UNC5D: variants seen among roughly 807,000 people sequenced by gnomAD.
UNC5D encodes unc-5 netrin receptor D.
UNC5D carries 39 observed loss-of-function variants against 105.4 expected under a neutral mutation model. The ratio of observed to expected loss-of-function variants is 0.37; its 90% CI spans 0.29 to 0.48. The LOEUF is 0.48. Among genes scored for constraint, UNC5D ranks in the 20% least tolerant of loss-of-function variants. UNC5D has a pLI of 0.98. For synonymous variants in UNC5D, 452 were observed against 450.4 expected, an observed-to-expected ratio of 1.00 and a Z score of -0.04; for missense variants, 991 against 1,202.4, an observed-to-expected ratio of 0.82 and a Z score of 2.60.
intron 1 of UNC5D, chr8:35,525,775 C>T (rs907494400): frequency 8.5e-6 from 13 of 1,525,696 alleles, no homozygotes; most frequent in African/African-American, 2.8e-5. Flanking sequence ...TTGGGAGTGC[C>T]GTAATGTGCT....
In UNC5D at chr8:35,436,836, A is replaced by G. The variant is rs556344318; in HGVS notation, c.104-112456A>G. ...AAATGACAGACATACATACACACAT[A>G]TAAAAAGCCTAGAGACTTTTTCTCA... On this transcript the variant is annotated intron_variant, in intron 1 of 16. Transcript: ENST00000404895. 3.3e-5 allele frequency among the ~76,000 whole-genome samples: 5 copies of G among 152,244 alleles called. No individual in the cohort carries two copies. In the East Asian group the frequency reaches 9.7e-4, roughly 29 times the overall value.
chr8:35,671,083 C>A (rs925449367), intron 4 of UNC5D, among the ~76,000 whole-genome samples: 1 of 152,060 alleles, frequency 6.6e-6, no homozygotes, highest in Non-Finnish European at 1.5e-5. Flanking sequence ...TTCTTCTCCT[C>A]CCCTTTTCCT....
Position 35,478,371 on chromosome 8 carries a change from T to C in UNC5D, c.104-70921T>C, listed in dbSNP as rs778236792. On this transcript the variant is annotated intron_variant, in intron 1 of 16. Coordinates refer to ENST00000404895, the MANE Select transcript of UNC5D (RefSeq NM_080872.4). ...GTTCCATAGGCTAGATGCACACATA[T>C]GAAAAGACTTTTTCCTTCAGCAGCT... is the stretch of plus-strand genomic sequence containing the variant. Among the ~76,000 whole-genome samples the C allele has an allele frequency of 8.3e-4, 126 of 152,192 alleles. 1 individual carries two copies. The highest frequency in any genetic ancestry group is 9.7e-4 in the Non-Finnish European group (66 of 68,002).
chr8:35,559,287 A>G (rs1028174735), intron 2 of UNC5D, among the ~76,000 whole-genome samples: 5 of 152,168 alleles, frequency 3.3e-5, no homozygotes, highest in South Asian at 2.1e-4. Flanking sequence ...CTGCTTCTGT[A>G]TGGTTGGGGA....
At chr8:35,696,399 A>G (rs1826782840) in intron 7 of UNC5D, among the ~76,000 whole-genome samples, 1 of 143,130 alleles carries the variant, frequency 7.0e-6, no homozygotes, top group Non-Finnish European at 1.5e-5. Flanking sequence ...TCCTCATTTT[A>G]TTAGTTCTGT....
chr8:35,464,765 C>T (rs1809173888), intron 1 of UNC5D, among the ~76,000 whole-genome samples: 1 of 152,192 alleles, frequency 6.6e-6, no homozygotes, highest in Admixed American at 6.5e-5. Context: ...ACTTTTATCC[C>T]TAACCCTGGC....
At chr8:35,504,442 C>T (rs1441413540) in intron 1 of UNC5D, among the ~76,000 whole-genome samples, 1 of 152,182 alleles carries the variant, frequency 6.6e-6, no homozygotes, top group Non-Finnish European at 1.5e-5. Context: ...GTATTAGATA[C>T]AGCCTTCTTA....
At chr8:35,317,415 T>C (rs942582082) in intron 1 of UNC5D, among the ~76,000 whole-genome samples, 1 of 152,162 alleles carries the variant, frequency 6.6e-6, no homozygotes, top group Non-Finnish European at 1.5e-5. Flanking sequence ...ACAATGGCTA[T>C]TACGAAAACA....
chr8:35,371,436 C>T (rs1439224359), intron 1 of UNC5D, among the ~76,000 whole-genome samples: 1 of 152,010 alleles, frequency 6.6e-6, no homozygotes, highest in Non-Finnish European at 1.5e-5. Context: ...TTGTGTTGGG[C>T]TGAGATTATC....
intron 1 of UNC5D, among the ~76,000 whole-genome samples, chr8:35,407,346 TAAA>T (rs368131972): frequency 6.8e-6 from 1 of 148,148 alleles, no homozygotes; most frequent in Non-Finnish European, 1.5e-5. Flanking sequence ...TTAGTATAAG[TAAA>T]AAAAAAACAC....
At chr8:35,391,799 A>C (rs1218088801) in intron 1 of UNC5D, among the ~76,000 whole-genome samples, 3 of 152,156 alleles carry the variant, frequency 2.0e-5, no homozygotes, top group Non-Finnish European at 4.4e-5. Flanking sequence ...TGGCATAAAA[A>C]CTTTGGTCTG....
intron 1 of UNC5D, among the ~76,000 whole-genome samples, chr8:35,460,162 A>G (rs16883948): frequency 0.042 from 6,403 of 152,240 alleles, 474 homozygotes; most frequent in African/African-American, 0.15. Context: ...TACTCCCAGA[A>G]AAATTAAAGG....
In UNC5D at chr8:35,423,625, G is replaced by T. The variant is rs1192031580; in HGVS notation, c.104-125667G>T. On this transcript the variant is annotated intron_variant, in intron 1 of 16. Transcript: ENST00000404895. ...AACTAATACTGTTTTGGCAAGTACTGCTTGATTGTTAAATTTGTTATGACA... is the reference window on the plus strand; with the variant it reads ...AACTAATACTGTTTTGGCAAGTACTTCTTGATTGTTAAATTTGTTATGACA... 2.6e-5 allele frequency among the ~76,000 whole-genome samples: 4 copies of T among 152,230 alleles called. No homozygotes were observed. In the East Asian group the frequency reaches 7.7e-4, roughly 29 times the overall value.
chr8:35,377,698 A>T (rs1802783192), intron 1 of UNC5D, among the ~76,000 whole-genome samples: 1 of 152,184 alleles, frequency 6.6e-6, no homozygotes, highest in African/African-American at 2.4e-5. Context: ...AGGTGAGGCA[A>T]GGGGAAGACA....
At chr8:35,504,864 A>G (rs1812206043) in intron 1 of UNC5D, among the ~76,000 whole-genome samples, 1 of 152,106 alleles carries the variant, frequency 6.6e-6, no homozygotes, top group African/African-American at 2.4e-5. Flanking sequence ...CCCTCTTACC[A>G]TATGGCTCCC....
chr8:35,670,960 G>C (rs1824756075), intron 4 of UNC5D, among the ~76,000 whole-genome samples: 1 of 146,386 alleles, frequency 6.8e-6, no homozygotes, highest in Non-Finnish European at 1.5e-5. Context: ...AGTTAACGAT[G>C]TCTAACTCAC....
chr8:35,351,442 G>A (rs1187948643), intron 1 of UNC5D, among the ~76,000 whole-genome samples: 2 of 152,054 alleles, frequency 1.3e-5, no homozygotes, highest in African/African-American at 2.4e-5. Flanking sequence ...CAGGCTGGTA[G>A]AACAATGCAG....
intron 15 of UNC5D, among the ~76,000 whole-genome samples, chr8:35,769,255 A>T (rs1355919456): frequency 1.3e-5 from 2 of 152,184 alleles, no homozygotes; most frequent in Non-Finnish European, 2.9e-5. Context: ...GAGTAGAGCC[A>T]CAGTACCCAA....
intron 6 of UNC5D, among the ~76,000 whole-genome samples, chr8:35,685,289 T>G (rs1825930671): frequency 6.6e-6 from 1 of 152,226 alleles, no homozygotes; most frequent in African/African-American, 2.4e-5. Flanking sequence ...TGCCTTTCTT[T>G]CTGTAAAAAG....
Sources: allele counts gnomAD v4.1 joint callset (sites outside exome capture counted in the v4.1 genomes callset), GRCh38; gene constraint gnomAD v4.1.1; transcripts MANE v1.5; gene names NCBI Gene and HGNC (gene_info 2026-07-23, HGNC 2026-07-21).